Variants in PEBP4 observed in about 807,000 individuals in gnomAD.
The protein encoded by PEBP4 is phosphatidylethanolamine-binding protein 4.
PEBP4 carries 22 observed loss-of-function variants against 23.9 expected under a neutral mutation model. The observed-to-expected ratio is 0.92, with a 90% CI of 0.66 to 1.31. The LOEUF is 1.31. PEBP4 is among the 40% of genes most tolerant of loss of function. PEBP4 has a pLI of 0.00. For missense variants in PEBP4, 324 were observed against 281.7 expected (o/e 1.15, Z -1.07); for synonymous variants, 112 against 99.3 (o/e 1.13, Z -0.76).
chr8:22,781,375 G>T (rs1805912067), intron 4 of PEBP4, among the ~76,000 whole-genome samples: 1 of 152,124 alleles, frequency 6.6e-6, no homozygotes, highest in South Asian at 2.1e-4. Context: ...GGACACGGGG[G>T]TGGGCTCCAG....
At chr8:22,847,048 T>C (rs1273216704) in intron 3 of PEBP4, among the ~76,000 whole-genome samples, 4 of 152,184 alleles carry the variant, frequency 2.6e-5, no homozygotes, top group Non-Finnish European at 4.4e-5. Flanking sequence ...AAATTGGTCC[T>C]CAAGAGAAAT....
Position 22,727,201 on chromosome 8 carries a change from C to G in PEBP4, c.377G>C (p.Gly126Ala). Residue 126 changes from glycine (G) to alanine (A), a missense_variant, in exon 5 of 7, where the codon GGG becomes GCG. Gly to Ala is a moderately conservative substitution (Grantham distance 60, BLOSUM62 0). Coordinates refer to ENST00000256404, the MANE Select transcript of PEBP4 (RefSeq NM_144962.3). ...TDIKGADLKK[G>A]KIQGQELSAY... ...TGATAACTCCTGGCCCTGAATCTTCCCTTTCTTCAGGTCGGCGCCCTGAAA... is the reference window on the plus strand; with the variant it reads ...TGATAACTCCTGGCCCTGAATCTTCGCTTTCTTCAGGTCGGCGCCCTGAAA... The G allele has an allele frequency of 6.2e-7, 1 of 1,613,992 alleles. No homozygotes were observed. Among genetic ancestry groups the G allele is most frequent in the Non-Finnish European group, 8.5e-7 (1 of 1,179,994 alleles).
chr8:22,884,405 T>C (rs1447994488), intron 3 of PEBP4: 7 of 152,250 alleles, frequency 4.6e-5, no homozygotes, highest in Non-Finnish European at 1.0e-4. Flanking sequence ...ATGATAGCAC[T>C]GTCTTTGCTG....
In PEBP4 at chr8:22,830,300, T is replaced by TTGTGTG. The variant is rs557261932; in HGVS notation, c.259-12571_259-12566dup. 7.6e-3 allele frequency among the ~76,000 whole-genome samples: 1,132 copies of TTGTGTG among 148,672 alleles called. 10 individuals carry two copies. The highest frequency in any genetic ancestry group is 0.013 in the Non-Finnish European group (840 of 66,962). ...GCGCACCACCACGCCTGGCTAATTT[T>TTGTGTG]TGTGTGTGTGTGTGTGTGTATTTTA... On this transcript the variant is annotated intron_variant, in intron 3 of 6. Coordinates refer to ENST00000256404, the MANE Select transcript of PEBP4 (RefSeq NM_144962.3).
intron 3 of PEBP4, among the ~76,000 whole-genome samples, chr8:22,856,713 CTAAATAAA>C (rs60953053): frequency 3.9e-4 from 59 of 151,410 alleles, no homozygotes; most frequent in Middle Eastern, 3.4e-3. Context: ...GAAACTGTCT[CTAAATAAA>C]TAAATAAATA....
intron 4 of PEBP4, among the ~76,000 whole-genome samples, chr8:22,814,402 T>C (rs1331147843): frequency 6.6e-6 from 1 of 152,230 alleles, no homozygotes; most frequent in Non-Finnish European, 1.5e-5. Context: ...GGCTTTTATT[T>C]AAGTTATCCA....
chr8:22,926,707 G>T (rs1391025606), intron 2 of PEBP4, among the ~76,000 whole-genome samples: 1 of 152,126 alleles, frequency 6.6e-6, no homozygotes, highest in Non-Finnish European at 1.5e-5. Flanking sequence ...TGTATTTATG[G>T]TTCTAAAAGT....
chr8:22,731,824 A>G (rs1804743445), intron 4 of PEBP4, among the ~76,000 whole-genome samples: 2 of 133,318 alleles, frequency 1.5e-5, no homozygotes, highest in South Asian at 2.3e-4. Flanking sequence ...GCGCCCGGCT[A>G]ATTTTTTTTT....
chr8:22,883,092 C>T (rs1370236753), intron 3 of PEBP4, among the ~76,000 whole-genome samples: 2 of 152,188 alleles, frequency 1.3e-5, no homozygotes, highest in African/African-American at 2.4e-5. Context: ...TCTGTGTCTG[C>T]ATGTCTTCCC....
intron 3 of PEBP4, among the ~76,000 whole-genome samples, chr8:22,897,077 G>A (rs376350329): frequency 2.0e-5 from 3 of 151,662 alleles, no homozygotes; most frequent in East Asian, 1.9e-4. Flanking sequence ...AATATACTAC[G>A]GCTTAGCGTA....
At chr8:22,919,407 T>C (rs1272048299) in intron 3 of PEBP4, among the ~76,000 whole-genome samples, 13 of 152,126 alleles carry the variant, frequency 8.5e-5, no homozygotes, top group Admixed American at 3.9e-4. Context: ...GTCTCCACCA[T>C]TGACACTCTG....
At chr8:22,773,657 C>G (rs1335753445) in intron 4 of PEBP4, among the ~76,000 whole-genome samples, 1 of 152,182 alleles carries the variant, frequency 6.6e-6, no homozygotes, top group Non-Finnish European at 1.5e-5. Context: ...AGGAGGGAGG[C>G]TGCTGCCAGA....
upstream of PEBP4, among the ~76,000 whole-genome samples, chr8:22,928,943 C>CA (rs879873099): frequency 8.9e-4 from 136 of 152,274 alleles, no homozygotes; most frequent in Non-Finnish European, 1.6e-3. Flanking sequence ...CAACCTGTAG[C>CA]AAAAAGCCCC....
chr8:22,817,364 GTATT>G (rs752897794), intron 4 of PEBP4, among the ~76,000 whole-genome samples: 1 of 152,226 alleles, frequency 6.6e-6, no homozygotes, highest in Non-Finnish European at 1.5e-5. Flanking sequence ...CGTGGTGGGA[GTATT>G]TATTTATACC....
At position 22,718,259 on chromosome 8, in the gene PEBP4, A is replaced by G. The variant is rs141315842; in HGVS notation, c.518-4723T>C. Reference sequence around the variant, plus strand: ...CTGGTTCTAATTATCCAGCCAGTGCATCCCCTAGGCCTCCTCCTCCCTTCT... The same window carrying G: ...CTGGTTCTAATTATCCAGCCAGTGCGTCCCCTAGGCCTCCTCCTCCCTTCT... On this transcript the variant is annotated intron_variant, in intron 6 of 6. Transcript: ENST00000256404. 2.1e-3 allele frequency among the ~76,000 whole-genome samples: 320 copies of G among 152,242 alleles called. 1 individual carries two copies. Among genetic ancestry groups the G allele is most frequent in the South Asian group, 5.2e-3 (25 of 4,812 alleles).
intron 3 of PEBP4, among the ~76,000 whole-genome samples, chr8:22,891,283 C>A (rs7828589): frequency 0.032 from 4,910 of 152,242 alleles, 257 homozygotes; most frequent in African/African-American, 0.11. Context: ...AAGGCAAAGC[C>A]AGTATAAGTG....
chr8:22,897,076 C>T (rs777813074), intron 3 of PEBP4, among the ~76,000 whole-genome samples: 8 of 151,492 alleles, frequency 5.3e-5, no homozygotes, highest in Admixed American at 1.3e-4. Flanking sequence ...AAATATACTA[C>T]GGCTTAGCGT....
intron 4 of PEBP4, among the ~76,000 whole-genome samples, chr8:22,743,618 A>T (rs4467934): frequency 0.21 from 31,229 of 152,150 alleles, 3,672 homozygotes; most frequent in Middle Eastern, 0.28. Context: ...TGGTTGAGAC[A>T]AAGTGAGGAA....
intron 2 of PEBP4, among the ~76,000 whole-genome samples, chr8:22,926,450 T>C (rs1809336069): frequency 1.3e-5 from 2 of 152,106 alleles, no homozygotes; most frequent in Admixed American, 1.3e-4. Flanking sequence ...GTTTAAGCGA[T>C]CCTCCCACCT....
Sources: gnomAD v4.1 joint callset for allele counts (sites outside exome capture counted in the v4.1 genomes callset) on GRCh38, gnomAD v4.1.1 for gene constraint, MANE v1.5 for transcripts, NCBI Gene and HGNC (gene_info 2026-07-23, HGNC 2026-07-21) for gene names.